Variants in PPIL1 observed in about 807,000 individuals in gnomAD.
The protein encoded by PPIL1 is peptidylprolyl isomerase like 1.
In PPIL1, 14 loss-of-function variants were observed where a neutral mutation model predicts 19.4. That is an observed-to-expected ratio of 0.72 (90% CI 0.48 to 1.13). PPIL1 has a LOEUF of 1.13. Among genes scored for constraint, PPIL1 ranks in the 50% most tolerant of loss-of-function variants. The pLI is 0.00. For synonymous variants in PPIL1, 72 were observed against 73.6 expected (o/e 0.98, Z 0.11); for missense variants, 192 against 218.0 (o/e 0.88, Z 0.75).
In PPIL1 at chr6:36,868,974, TTTTTA is replaced by T. The variant is rs549378284; in HGVS notation, c.211+2739_211+2743del. Reference sequence around the variant, plus strand: ...GGTCTTTTTTTCTTCCTTTTAAATATTTTTATTTTATTTTAATTTATTTATTTAGA... The same window carrying T: ...GGTCTTTTTTTCTTCCTTTTAAATATTTTTATTTTAATTTATTTATTTAGA... On this transcript the variant is annotated intron_variant, in intron 2 of 3. Coordinates refer to ENST00000373699, the MANE Select transcript of PPIL1 (RefSeq NM_016059.5). 3.1e-3 allele frequency among the ~76,000 whole-genome samples: 477 copies of T among 152,170 alleles called. 2 individuals carry two copies. Among genetic ancestry groups the T allele is most frequent in the Middle Eastern group, 0.02 (6 of 294 alleles).
chr6:36,861,520 TG>T (rs760617390), intron 2 of PPIL1, among the ~76,000 whole-genome samples: 5 of 152,188 alleles, frequency 3.3e-5, no homozygotes, highest in Admixed American at 2.6e-4. Context: ...AAACCCATGT[TG>T]GTAAAGGCTC....
At chr6:36,867,107 G>A (rs1774410510) in intron 2 of PPIL1, among the ~76,000 whole-genome samples, 1 of 152,116 alleles carries the variant, frequency 6.6e-6, no homozygotes, top group African/African-American at 2.4e-5. Flanking sequence ...CCCGTGTGCG[G>A]CCCATGTTTC....
chr6:36,874,658 G>A (rs1372011085), intron 1 of PPIL1, 59 bp downstream of exon 1: 14 of 1,591,376 alleles, frequency 8.8e-6, no homozygotes, highest in Non-Finnish European at 1.2e-5. Context: ...ACGCAGACCC[G>A]TGGTGAGGCC....
intron 2 of PPIL1, among the ~76,000 whole-genome samples, chr6:36,869,067 T>C (rs76124397): frequency 0.14 from 21,115 of 151,876 alleles, 1,713 homozygotes; most frequent in East Asian, 0.27. Context: ...CTCACTGCAG[T>C]CTCAACCTCC....
intron 2 of PPIL1, among the ~76,000 whole-genome samples, chr6:36,869,629 C>G (rs1163305825): frequency 6.6e-6 from 1 of 151,982 alleles, no homozygotes; most frequent in African/African-American, 2.4e-5. Flanking sequence ...CCAGCACTTG[C>G]GAAGGTAAAA....
Position 36,874,624 on chromosome 6 carries a change from GC to G in PPIL1, c.56+92del, listed in dbSNP as rs1452121584. Reference sequence around the variant, plus strand: ...TCCACGCCCCTCCACGTGGAGGCCGGCCTCCCGGAGGAACGCGCCAGGAACG... The same window carrying G: ...TCCACGCCCCTCCACGTGGAGGCCGGCTCCCGGAGGAACGCGCCAGGAACG... On this transcript the variant is annotated intron_variant, in intron 1 of 3. Transcript: ENST00000373699. The G allele has an allele frequency of 1.8e-5, 27 of 1,518,932 alleles. No individual in the cohort carries two copies. In the African/African-American group the frequency reaches 3.0e-4, roughly 17 times the overall value. 94.1% of individuals were successfully genotyped at this position (1,518,932 alleles called of 1,614,324 possible). A position where few individuals can be genotyped will look rare whatever the true frequency, so the allele number is the denominator to read the frequency against.
At chr6:36,861,604 C>T (rs1774289333) in intron 2 of PPIL1, among the ~76,000 whole-genome samples, 1 of 151,880 alleles carries the variant, frequency 6.6e-6, no homozygotes, top group East Asian at 1.9e-4. Context: ...TAACTTTTTT[C>T]ACTCTTGTAA....
At chr6:36,856,902 C>A (rs992838161) in intron 2 of PPIL1, among the ~76,000 whole-genome samples, 1 of 152,190 alleles carries the variant, frequency 6.6e-6, no homozygotes, top group Non-Finnish European at 1.5e-5. Flanking sequence ...TAAAATAATA[C>A]ATGTTCACTA....
At chr6:36,860,611 C>T (rs1774265628) in intron 2 of PPIL1, among the ~76,000 whole-genome samples, 1 of 152,094 alleles carries the variant, frequency 6.6e-6, no homozygotes, top group Non-Finnish European at 1.5e-5. Flanking sequence ...AGACCCCATG[C>T]ATACACCCCA....
intron 2 of PPIL1, among the ~76,000 whole-genome samples, chr6:36,867,283 T>G (rs891370666): frequency 6.6e-6 from 1 of 152,150 alleles, no homozygotes; most frequent in African/African-American, 2.4e-5. Context: ...GTTTACCACA[T>G]GCTCCCAACA....
chr6:36,860,648 CCTGAGAG>C (rs777095794), intron 2 of PPIL1, among the ~76,000 whole-genome samples: 12 of 151,984 alleles, frequency 7.9e-5, no homozygotes, highest in Non-Finnish European at 1.6e-4. Context: ...CACTCATTCT[CCTGAGAG>C]CTAACAGCTG....
Position 36,863,232 on chromosome 6 carries a change from T to G in PPIL1, c.212-6578A>C, listed in dbSNP as rs183943962. ...CGGGAGGCAGCCTGCCTGGGTTTAT[T>G]CAGTTCCTCTGTCCTCAAATTTCCA... On this transcript the variant is annotated intron_variant, in intron 2 of 3. Coordinates refer to ENST00000373699, the MANE Select transcript of PPIL1 (RefSeq NM_016059.5). 1.7e-3 allele frequency among the ~76,000 whole-genome samples: 265 copies of G among 152,346 alleles called. 1 individual carries two copies. The highest frequency in any genetic ancestry group is 6.8e-3 in the Middle Eastern group (2 of 294).
intron 1 of PPIL1, among the ~76,000 whole-genome samples, chr6:36,872,980 GTA>G (rs768526245): frequency 6.6e-6 from 1 of 152,184 alleles, no homozygotes; most frequent in African/African-American, 2.4e-5. Context: ...CACTCTATAA[GTA>G]TATGAGGAGT....
chr6:36,873,503 T>A (rs964532221), intron 1 of PPIL1, among the ~76,000 whole-genome samples: 2 of 152,264 alleles, frequency 1.3e-5, no homozygotes, highest in Middle Eastern at 3.2e-3. Context: ...GAAAAAAGTC[T>A]GGACAATCAT....
intron 2 of PPIL1, chr6:36,858,650 G>A (rs558307300): frequency 6.6e-6 from 1 of 152,386 alleles, no homozygotes; most frequent in Admixed American, 6.5e-5. Flanking sequence ...AAAGAGGGAT[G>A]GGGGTGAATC....
intron 2 of PPIL1, among the ~76,000 whole-genome samples, chr6:36,864,336 C>G (rs1774353342): frequency 6.6e-6 from 1 of 152,170 alleles, no homozygotes; most frequent in African/African-American, 2.4e-5. Flanking sequence ...CTCTGCTACT[C>G]TCTGAGCTAT....
At chr6:36,867,617 A>G (rs1774420419) in intron 2 of PPIL1, among the ~76,000 whole-genome samples, 1 of 152,180 alleles carries the variant, frequency 6.6e-6, no homozygotes, top group African/African-American at 2.4e-5. Flanking sequence ...AGGGCTGGCC[A>G]CCTTCCAGGG....
Position 36,874,705 on chromosome 6 carries a change from G to T in PPIL1, c.56+12C>A, listed in dbSNP as rs889059138. ...TCTCCTCTGCCAGCCCCAGACGCCCGAACCCCCTCACCTGGTCTCCAAGTA... is the reference window on the plus strand; with the variant it reads ...TCTCCTCTGCCAGCCCCAGACGCCCTAACCCCCTCACCTGGTCTCCAAGTA... On this transcript the variant is annotated intron_variant, in intron 1 of 3. Coordinates refer to ENST00000373699, the MANE Select transcript of PPIL1 (RefSeq NM_016059.5). 6.2e-7 allele frequency: 1 copy of T among 1,613,784 alleles called. No homozygotes were observed. Among genetic ancestry groups the T allele is most frequent in the Non-Finnish European group, 8.5e-7 (1 of 1,179,830 alleles).
chr6:36,866,320 G>A (rs979185982), intron 2 of PPIL1, among the ~76,000 whole-genome samples: 7 of 152,208 alleles, frequency 4.6e-5, no homozygotes, highest in African/African-American at 1.7e-4. Context: ...ACAGTAGTCA[G>A]ACTGAGGGAC....
Sources: allele counts gnomAD v4.1 joint callset (sites outside exome capture counted in the v4.1 genomes callset), GRCh38; gene constraint gnomAD v4.1.1; transcripts MANE v1.5; gene names NCBI Gene and HGNC (gene_info 2026-07-23, HGNC 2026-07-21).